CADM1: variants seen among roughly 807,000 people sequenced by gnomAD.
The protein encoded by CADM1 is cell adhesion molecule 1.
In CADM1, 15 loss-of-function variants were observed where a neutral mutation model predicts 53.1. That is an observed-to-expected ratio of 0.28 (90% CI 0.19 to 0.44). The LOEUF is 0.44. Ranked by LOEUF, CADM1 falls within the 20% of genes least tolerant of loss-of-function variation. CADM1 has a pLI of 1.00. For missense variants in CADM1, 434 were observed against 611.3 expected, an observed-to-expected ratio of 0.71 and a Z score of 3.06; for synonymous variants, 281 against 243.0, an observed-to-expected ratio of 1.16 and a Z score of -1.45.
intron 1 of CADM1, among the ~76,000 whole-genome samples, chr11:115,430,983 T>C (rs1247155546): frequency 6.6e-6 from 1 of 152,194 alleles, no homozygotes; most frequent in Non-Finnish European, 1.5e-5. Flanking sequence ...GCTGGAAATA[T>C]TTTAGTTTGA....
intron 8 of CADM1, among the ~76,000 whole-genome samples, chr11:115,208,376 T>C (rs1368325038): frequency 6.6e-6 from 1 of 152,202 alleles, no homozygotes; most frequent in Non-Finnish European, 1.5e-5. Context: ...GCCTCCTCTT[T>C]CTTTGAACAC....
intron 1 of CADM1, among the ~76,000 whole-genome samples, chr11:115,269,898 C>T (rs1943249679): frequency 6.6e-6 from 1 of 152,138 alleles, no homozygotes. Flanking sequence ...CTCTCTACTC[C>T]GGTGTCTTAG....
intron 1 of CADM1, among the ~76,000 whole-genome samples, chr11:115,491,523 A>C (rs1312671557): frequency 6.6e-6 from 1 of 151,990 alleles, no homozygotes; most frequent in African/African-American, 2.4e-5. Context: ...CCAAGATTGC[A>C]CCACTGTACT....
At chr11:115,244,348 C>T (rs1481588735) in intron 1 of CADM1, among the ~76,000 whole-genome samples, 1 of 152,198 alleles carries the variant, frequency 6.6e-6, no homozygotes, top group Non-Finnish European at 1.5e-5. Flanking sequence ...TTGTTATAAA[C>T]TCCATTTCAG....
intron 1 of CADM1, among the ~76,000 whole-genome samples, chr11:115,289,965 GAC>G (rs778174976): frequency 4.6e-5 from 7 of 152,200 alleles, no homozygotes; most frequent in Admixed American, 1.3e-4. Context: ...TGCTTTCTGT[GAC>G]ACACAGTGTG....
intron 1 of CADM1, among the ~76,000 whole-genome samples, chr11:115,318,468 T>TG (rs1317266740): frequency 6.6e-6 from 1 of 152,194 alleles, no homozygotes; most frequent in Non-Finnish European, 1.5e-5. Context: ...ATGTCCTATT[T>TG]GGGGAATAGT....
chr11:115,415,475 C>T (rs1056678006), intron 1 of CADM1, among the ~76,000 whole-genome samples: 2 of 151,990 alleles, frequency 1.3e-5, no homozygotes, highest in Admixed American at 6.6e-5. Context: ...TAAGAGAAGA[C>T]ATATGCAAGG....
rs546124743 is a variant in CADM1, at chr11:115,174,905, T to G, written c.*1569A>C. The G allele has an allele frequency of 1.0e-6, 1 of 985,710 alleles. No homozygotes were observed. 61.1% of individuals were successfully genotyped at this position (985,710 alleles called of 1,614,324 possible). ...ACGTTTCAGTGAAAATCCCCACACTTCTTTCTTTAAAACATGTAAATGGTA... is the reference window on the plus strand; with the variant it reads ...ACGTTTCAGTGAAAATCCCCACACTGCTTTCTTTAAAACATGTAAATGGTA... On this transcript the variant is annotated 3_prime_UTR_variant, in exon 12 of 12. Transcript: ENST00000331581.
chr11:115,346,714 G>C (rs1289428816), intron 1 of CADM1, among the ~76,000 whole-genome samples: 2 of 152,092 alleles, frequency 1.3e-5, no homozygotes, highest in Admixed American at 6.5e-5. Context: ...CAAGCCAAAG[G>C]GTCACCGGCT....
rs140502384 is a variant in CADM1, at chr11:115,321,748, G to T, written c.125-81328C>A. ...CTGACTACATTATTACAATGTGTTT[G>T]TCTTCCTGGTAATTTTGCAACAGTG... On this transcript the variant is annotated intron_variant, in intron 1 of 11. Transcript: ENST00000331581. Among the ~76,000 whole-genome samples, 776 of 152,216 alleles carry T rather than the reference G, an allele frequency of 5.1e-3. 8 individuals are homozygous for T. The highest frequency in any genetic ancestry group is 0.018 in the African/African-American group (745 of 41,546).
intron 7 of CADM1, 117 bp downstream of exon 7, chr11:115,214,491 A>G (rs1941091840): frequency 1.9e-6 from 2 of 1,027,890 alleles, no homozygotes; most frequent in South Asian, 1.3e-5. Flanking sequence ...TTTAAGTTCT[A>G]GAAGGAAACC....
At chr11:115,413,641 G>GTTTTTTTTTTTTTTTTT (rs1215267771) in intron 1 of CADM1, among the ~76,000 whole-genome samples, 6 of 94,186 alleles carry the variant, frequency 6.4e-5, no homozygotes, top group South Asian at 3.0e-4. Flanking sequence ...CTCCAGCTCA[G>GTTTTTTTTTTTTTTTTT]TTCTTTTTTT....
chr11:115,419,607 A>T (rs1468118093), intron 1 of CADM1, among the ~76,000 whole-genome samples: 1 of 152,136 alleles, frequency 6.6e-6, no homozygotes, highest in Non-Finnish European at 1.5e-5. Context: ...TAAAGCCAAT[A>T]CCCCATCTTG....
intron 10 of CADM1, chr11:115,178,989 C>A: frequency 1.7e-6 from 1 of 599,652 alleles, no homozygotes; most frequent in Admixed American, 2.3e-5. Context: ...TCATGATAAG[C>A]AGCATAGGAG....
At chr11:115,265,287 C>T (rs4938193) in intron 1 of CADM1, among the ~76,000 whole-genome samples, 3 of 151,122 alleles carry the variant, frequency 2.0e-5, no homozygotes, top group East Asian at 1.9e-4. Context: ...ACTTTAACCT[C>T]TAAGAGAGAA....
chr11:115,192,238 C>T (rs1257546934), intron 9 of CADM1, among the ~76,000 whole-genome samples: 5 of 152,206 alleles, frequency 3.3e-5, no homozygotes, highest in African/African-American at 7.2e-5. Flanking sequence ...CTGTGAAAGA[C>T]GGCTGTCACA....
rs1938876657 is a variant in CADM1 at position 115,173,641 on chromosome 11, A to T, written c.*2833T>A. ...ATTAAAGGATCACTTTGTAACATTAATTTTTTTTTATTAAGAAGACAGATA... is the reference window on the plus strand; with the variant it reads ...ATTAAAGGATCACTTTGTAACATTATTTTTTTTTTATTAAGAAGACAGATA... On this transcript the variant is annotated 3_prime_UTR_variant, in exon 12 of 12. Transcript: ENST00000331581. The T allele has an allele frequency of 6.0e-6, 2 of 335,158 alleles. No individual in the cohort carries two copies. The highest frequency in any genetic ancestry group is 8.5e-6 in the Non-Finnish European group (2 of 235,980). 20.8% of individuals were successfully genotyped at this position (335,158 alleles called of 1,614,324 possible). A position where few individuals can be genotyped will look rare whatever the true frequency, so the allele number is the denominator to read the frequency against.
intron 1 of CADM1, among the ~76,000 whole-genome samples, chr11:115,462,008 T>C (rs1371493733): frequency 6.6e-6 from 1 of 152,080 alleles, no homozygotes; most frequent in Non-Finnish European, 1.5e-5. Flanking sequence ...GACAAAACAC[T>C]GGGAAACATT....
chr11:115,425,606 CAGTTTA>C (rs2135281193), intron 1 of CADM1, among the ~76,000 whole-genome samples: 1 of 152,342 alleles, frequency 6.6e-6, no homozygotes, highest in South Asian at 2.1e-4. Context: ...ATCACTCAAA[CAGTTTA>C]AGCTTTGGGT....
Sources: gnomAD v4.1 joint callset for allele counts (sites outside exome capture counted in the v4.1 genomes callset) on GRCh38, gnomAD v4.1.1 for gene constraint, MANE v1.5 for transcripts, NCBI Gene and HGNC (gene_info 2026-07-23, HGNC 2026-07-21) for gene names.